Variants in RGS7 observed in about 807,000 individuals in gnomAD.
RGS7 encodes the protein regulator of G protein signaling 7.
In RGS7, 27 loss-of-function variants were observed where a neutral mutation model predicts 81.1. That is an observed-to-expected ratio of 0.33 (90% CI 0.25 to 0.46). The LOEUF is 0.46. Ranked by LOEUF, RGS7 falls within the 20% of genes least tolerant of loss-of-function variation. RGS7 has a pLI of 1.00. For missense variants in RGS7, 396 were observed against 607.4 expected (o/e 0.65, Z 3.66); for synonymous variants, 208 against 207.7 (o/e 1.00, Z -0.01).
intron 2 of RGS7, among the ~76,000 whole-genome samples, chr1:241,235,025 C>G (rs2075852659): frequency 6.6e-6 from 1 of 152,140 alleles, no homozygotes; most frequent in Admixed American, 6.5e-5. Flanking sequence ...CTAATTTATT[C>G]ATCATGATGT....
intron 2 of RGS7, among the ~76,000 whole-genome samples, chr1:241,202,374 C>A (rs1224548860): frequency 1.3e-5 from 2 of 152,152 alleles, no homozygotes; most frequent in African/African-American, 4.8e-5. Context: ...CTGTCACACT[C>A]TGAAGGTTCA....
At chr1:240,836,753 T>C (rs7535077) in intron 9 of RGS7, among the ~76,000 whole-genome samples, 7,458 of 152,328 alleles carry the variant, frequency 0.049, 322 homozygotes, top group African/African-American at 0.11. Flanking sequence ...TTTTGTGCCA[T>C]TGCGTTTTTG....
chr1:240,961,028 AT>A (rs1455716185), intron 4 of RGS7, among the ~76,000 whole-genome samples: 1 of 152,222 alleles, frequency 6.6e-6, no homozygotes, highest in Non-Finnish European at 1.5e-5. Context: ...TGAAAAACAA[AT>A]GGTTGATTCC....
intron 2 of RGS7, among the ~76,000 whole-genome samples, chr1:241,342,423 A>T (rs1420432362): frequency 6.6e-6 from 1 of 152,196 alleles, no homozygotes. Context: ...ATAAGGTCAA[A>T]TGGTGCTACA....
At chr1:240,857,967 A>G (rs1414804664) in intron 9 of RGS7, among the ~76,000 whole-genome samples, 1 of 152,118 alleles carries the variant, frequency 6.6e-6, no homozygotes, top group African/African-American at 2.4e-5. Flanking sequence ...GAACAAGGAC[A>G]TGTTTGCTTC....
intron 2 of RGS7, among the ~76,000 whole-genome samples, chr1:241,302,340 G>A (rs1357284987): frequency 6.6e-6 from 1 of 152,162 alleles, no homozygotes; most frequent in South Asian, 2.1e-4. Flanking sequence ...ATGAGGTCAG[G>A]AGATCGAGAC....
chr1:241,122,681 A>C (rs897493275), intron 2 of RGS7, among the ~76,000 whole-genome samples: 18 of 152,036 alleles, frequency 1.2e-4, no homozygotes, highest in African/African-American at 3.1e-4. Context: ...AAAAAAAAAA[A>C]AAAACACCTA....
At chr1:241,109,756 G>T (rs1408723658) in intron 2 of RGS7, among the ~76,000 whole-genome samples, 1 of 152,074 alleles carries the variant, frequency 6.6e-6, no homozygotes, top group Non-Finnish European at 1.5e-5. Context: ...TCAGGAATTT[G>T]AGACCAGCCT....
intron 2 of RGS7, among the ~76,000 whole-genome samples, chr1:241,233,230 A>G (rs1313294031): frequency 6.6e-6 from 1 of 152,234 alleles, no homozygotes; most frequent in Non-Finnish European, 1.5e-5. Context: ...TCTTTATGCT[A>G]GGGACATTCA....
intron 2 of RGS7, among the ~76,000 whole-genome samples, chr1:241,231,831 A>G (rs2075678747): frequency 6.6e-6 from 1 of 152,218 alleles, no homozygotes; most frequent in African/African-American, 2.4e-5. Context: ...TAATTTTGAC[A>G]AAGTTCAGTT....
At chr1:240,926,010 A>AT (rs1182276577) in intron 6 of RGS7, among the ~76,000 whole-genome samples, 3 of 152,068 alleles carry the variant, frequency 2.0e-5, no homozygotes, top group African/African-American at 4.8e-5. Context: ...TTCCTTATAG[A>AT]TTTTTGATAT....
At chr1:241,098,881 G>C (rs1013639519) in intron 2 of RGS7, 119 bp from the exon 3 acceptor site, 17 of 725,238 alleles carry the variant, frequency 2.3e-5, no homozygotes, top group Non-Finnish European at 4.1e-5. Context: ...CCGTATTCTT[G>C]CCTTTCTAGT....
intron 3 of RGS7, among the ~76,000 whole-genome samples, chr1:241,043,914 C>G (rs1558639512): frequency 6.6e-6 from 1 of 151,692 alleles, no homozygotes; most frequent in Non-Finnish European, 1.5e-5. Flanking sequence ...GTCCTAGAAC[C>G]AATCCTGTGC....
chr1:240,871,208 A>G (rs1007595390), intron 6 of RGS7, among the ~76,000 whole-genome samples: 1 of 152,220 alleles, frequency 6.6e-6, no homozygotes, highest in Non-Finnish European at 1.5e-5. Flanking sequence ...AACTCAAGAT[A>G]CATTGTATCT....
chr1:240,871,185 T>C (rs918376016), intron 6 of RGS7, among the ~76,000 whole-genome samples: 1 of 152,206 alleles, frequency 6.6e-6, no homozygotes, highest in Non-Finnish European at 1.5e-5. Flanking sequence ...TGCATGATAT[T>C]TGAGTCTCAT....
intron 18 of RGS7, among the ~76,000 whole-genome samples, chr1:240,787,801 C>G (rs1685317444): frequency 6.6e-6 from 1 of 152,040 alleles, no homozygotes; most frequent in Non-Finnish European, 1.5e-5. Flanking sequence ...AACCTAGCAG[C>G]AAAACACAAA....
intron 2 of RGS7, among the ~76,000 whole-genome samples, chr1:241,161,504 ATAAC>A (rs1392246744): frequency 3.4e-5 from 5 of 148,836 alleles, no homozygotes; most frequent in African/African-American, 4.9e-5. Context: ...TTATATTATT[ATAAC>A]TAATAACTAA....
At chr1:241,053,073 A>T (rs78115540) in intron 3 of RGS7, among the ~76,000 whole-genome samples, 1 of 152,324 alleles carries the variant, frequency 6.6e-6, no homozygotes, top group African/African-American at 2.4e-5. Context: ...ATCTCTTGAC[A>T]TACATTTAGA....
rs116150187 is a variant in RGS7 at position 240,953,192 on chromosome 1, T to A, written c.227-16486A>T. ...GCAGCAGAAAATCAAGCAGTCAGAA[T>A]ATAGTTGACCTGAAAAGTACTATCA... On this transcript the variant is annotated intron_variant, in intron 4 of 18. Transcript: ENST00000440928. Among the ~76,000 whole-genome samples, 783 of 151,988 alleles carry A rather than the reference T, an allele frequency of 5.2e-3. 7 individuals are homozygous for A. The highest frequency in any genetic ancestry group is 0.018 in the African/African-American group (766 of 41,538).
Sources: allele counts gnomAD v4.1 joint callset (sites outside exome capture counted in the v4.1 genomes callset), GRCh38; gene constraint gnomAD v4.1.1; transcripts MANE v1.5; gene names NCBI Gene and HGNC (gene_info 2026-07-23, HGNC 2026-07-21).